STK32B: variants seen among roughly 807,000 people sequenced by gnomAD.
STK32B encodes the protein serine/threonine-protein kinase 32B.
STK32B carries 43 observed loss-of-function variants against 52.6 expected under a neutral mutation model. The observed-to-expected ratio is 0.82, with a 90% CI of 0.64 to 1.05. The LOEUF is 1.05. Among genes scored for constraint, STK32B ranks in the 50% least tolerant of loss-of-function variants. The probability of loss-of-function intolerance (pLI) is 0.00; values close to 1 mark genes in which losing one functional copy is unlikely to be tolerated. For synonymous variants in STK32B, 238 were observed against 204.3 expected (o/e 1.17, Z -1.41); for missense variants, 621 against 534.6 (o/e 1.16, Z -1.59).
chr4:5,228,783 C>T (rs1269048373), intron 3 of STK32B, among the ~76,000 whole-genome samples: 1 of 152,148 alleles, frequency 6.6e-6, no homozygotes, highest in Non-Finnish European at 1.5e-5. Flanking sequence ...GCCTGGCCAA[C>T]ATGGCAAACC....
At chr4:5,253,827 G>T (rs533225810) in intron 3 of STK32B, among the ~76,000 whole-genome samples, 1 of 152,214 alleles carries the variant, frequency 6.6e-6, no homozygotes, top group Non-Finnish European at 1.5e-5. Context: ...GTTAACTGGG[G>T]ATGGATAATG....
intron 3 of STK32B, among the ~76,000 whole-genome samples, chr4:5,215,906 G>A (rs1046232674): frequency 8.5e-5 from 13 of 152,146 alleles, no homozygotes; most frequent in Admixed American, 2.6e-4. Flanking sequence ...GCCTGTGGTG[G>A]TCTGCTCACT....
At chr4:5,296,508 A>G (rs1045752237) in intron 3 of STK32B, among the ~76,000 whole-genome samples, 2 of 152,126 alleles carry the variant, frequency 1.3e-5, no homozygotes, top group Admixed American at 6.5e-5. Context: ...TCCCTTTACC[A>G]TTATGTAATG....
At chr4:5,324,564 G>C (rs541505876) in intron 3 of STK32B, among the ~76,000 whole-genome samples, 1 of 152,270 alleles carries the variant, frequency 6.6e-6, no homozygotes, top group South Asian at 2.1e-4. Flanking sequence ...AGGTGATTGT[G>C]GTGGAGGCCG....
chr4:5,150,466 CTT>C (rs1424676240), intron 2 of STK32B, among the ~76,000 whole-genome samples: 6 of 152,216 alleles, frequency 3.9e-5, no homozygotes, highest in Admixed American at 3.3e-4. Context: ...TTTGTAGAAA[CTT>C]TGAATTCTAC....
chr4:5,117,018 A>G (rs182682489), intron 1 of STK32B, among the ~76,000 whole-genome samples: 1 of 152,314 alleles, frequency 6.6e-6, no homozygotes, highest in African/African-American at 2.4e-5. Flanking sequence ...TACGGAATTC[A>G]TTTGTTAGTT....
intron 3 of STK32B, among the ~76,000 whole-genome samples, chr4:5,192,622 A>G (rs997590675): frequency 1.3e-5 from 2 of 152,230 alleles, no homozygotes; most frequent in Admixed American, 1.3e-4. Flanking sequence ...GTATATATTT[A>G]TGGCATCCAA....
intron 3 of STK32B, among the ~76,000 whole-genome samples, chr4:5,170,600 G>A (rs1719292568): frequency 6.6e-6 from 1 of 152,014 alleles, no homozygotes. Context: ...GAGAATGATG[G>A]TTTCCAGCTT....
chr4:5,257,075 ATAAG>A (rs1385671880), intron 3 of STK32B, among the ~76,000 whole-genome samples: 7 of 146,578 alleles, frequency 4.8e-5, no homozygotes, highest in African/African-American at 1.1e-4. Context: ...AAATGAATGA[ATAAG>A]TGAGTGAATG....
chr4:5,090,007 T>C (rs35748193), intron 1 of STK32B, among the ~76,000 whole-genome samples: 1 of 152,170 alleles, frequency 6.6e-6, no homozygotes, highest in African/African-American at 2.4e-5. Context: ...GCTGCGTAAA[T>C]GTTTTCTTTT....
At position 5,159,525 on chromosome 4, in the gene STK32B, A is replaced by ATATATATG. The variant is rs1267146361; in HGVS notation, c.109-8758_109-8751dup. The stretch of plus-strand genomic sequence containing the variant: ...ATATGAATATATATATGAATATATG[A>ATATATATG]TATATATGTATATATGTATATATAT... On this transcript the variant is annotated intron_variant, in intron 2 of 11. Coordinates refer to ENST00000282908, the MANE Select transcript of STK32B (RefSeq NM_018401.3). Among the ~76,000 whole-genome samples the ATATATATG allele has an allele frequency of 3.3e-5, 4 of 122,812 alleles. No homozygotes were observed. The Admixed American group carries it at 3.5e-4, about 11-fold the overall frequency. The allele number at this position is 122,812 out of a possible 152,430, so 80.6% of individuals were successfully genotyped here.
At chr4:5,461,262 C>T (rs1717005003) in intron 9 of STK32B, among the ~76,000 whole-genome samples, 1 of 152,146 alleles carries the variant, frequency 6.6e-6, no homozygotes, top group East Asian at 1.9e-4. Context: ...AACATTTGCT[C>T]TTTGTTGTTG....
chr4:5,309,701 C>T (rs186185297), intron 3 of STK32B, among the ~76,000 whole-genome samples: 16 of 152,256 alleles, frequency 1.1e-4, no homozygotes, highest in Non-Finnish European at 1.6e-4. Flanking sequence ...TGAACCTAGA[C>T]ACCTATCTCT....
intron 3 of STK32B, among the ~76,000 whole-genome samples, chr4:5,312,584 A>G (rs1183271641): frequency 3.3e-5 from 5 of 151,932 alleles, no homozygotes; most frequent in African/African-American, 9.7e-5. Flanking sequence ...ATGATTTCCA[A>G]TTTCATCCAT....
chr4:5,331,968 T>A (rs1452798373), intron 4 of STK32B, among the ~76,000 whole-genome samples: 3 of 152,156 alleles, frequency 2.0e-5, no homozygotes, highest in African/African-American at 7.2e-5. Flanking sequence ...ATGAGAGGCT[T>A]TGGAAAGTGA....
chr4:5,135,014 A>G (rs1249869796), intron 1 of STK32B, among the ~76,000 whole-genome samples: 1 of 152,254 alleles, frequency 6.6e-6, no homozygotes, highest in African/African-American at 2.4e-5. Context: ...GCCCACTGGC[A>G]TGTAAAGTAG....
intron 7 of STK32B, among the ~76,000 whole-genome samples, chr4:5,454,404 T>C (rs1474853804): frequency 1.3e-5 from 2 of 152,100 alleles, no homozygotes; most frequent in African/African-American, 4.8e-5. Flanking sequence ...GCTTGGCTTG[T>C]GGATGGCTGT....
intron 1 of STK32B, among the ~76,000 whole-genome samples, chr4:5,128,914 G>A (rs533321812): frequency 9.9e-5 from 15 of 152,282 alleles, no homozygotes; most frequent in Non-Finnish European, 2.1e-4. Context: ...GGAATTTCTG[G>A]GGTAAAACGT....
intron 3 of STK32B, among the ~76,000 whole-genome samples, chr4:5,302,928 C>G (rs1198242305): frequency 6.6e-6 from 1 of 151,918 alleles, no homozygotes; most frequent in Non-Finnish European, 1.5e-5. Flanking sequence ...GCAAATGCCA[C>G]TATTCCATTT....
Sources: gnomAD v4.1 joint callset for allele counts (sites outside exome capture counted in the v4.1 genomes callset) on GRCh38, gnomAD v4.1.1 for gene constraint, MANE v1.5 for transcripts, NCBI Gene and HGNC (gene_info 2026-07-23, HGNC 2026-07-21) for gene names.